RNF44: variants seen among roughly 807,000 people sequenced by gnomAD.
RNF44 encodes the protein ring finger protein 44.
In RNF44, 25 loss-of-function variants were observed where a neutral mutation model predicts 53.6. The ratio of observed to expected loss-of-function variants is 0.47; its 90% CI spans 0.34 to 0.65. The LOEUF (loss-of-function observed/expected upper bound fraction) is 0.65. Ranked by LOEUF, RNF44 falls within the 30% of genes least tolerant of loss-of-function variation. RNF44 has a pLI of 0.01. For missense variants in RNF44, 581 were observed against 595.5 expected, an observed-to-expected ratio of 0.98 and a Z score of 0.25; for synonymous variants, 282 against 252.2, an observed-to-expected ratio of 1.12 and a Z score of -1.12.
At chr5:176,537,591 G>C (rs1170308786), upstream of RNF44, 1 of 152,278 alleles carries the variant, frequency 6.6e-6, no homozygotes, top group African/African-American at 2.4e-5. Flanking sequence ...CATAAAGATG[G>C]GGAGACCCCA....
chr5:176,537,930 C>G (rs1198650954), upstream of RNF44: 1 of 152,178 alleles, frequency 6.6e-6, no homozygotes, highest in Non-Finnish European at 1.5e-5. Flanking sequence ...CCCCACTTCT[C>G]CTTGTTTATA....
Position 176,531,717 on chromosome 5 carries a change from G to C in RNF44, c.298-87C>G. Reference sequence around the variant, plus strand: ...AGGAGAAATCATCCTGCCACATCCAGCTGCCGGCTCCCTTCCCTTCTCCAC... The same window carrying C: ...AGGAGAAATCATCCTGCCACATCCACCTGCCGGCTCCCTTCCCTTCTCCAC... On this transcript the variant is annotated intron_variant, in intron 3 of 10. Transcript: ENST00000274811. The surrounding 1 kb of genome is among the most constrained non-coding windows in gnomAD (Gnocchi z 4.2). 1 of 1,365,046 alleles carries C rather than the reference G, an allele frequency of 7.3e-7. No individual in the cohort carries two copies. The highest frequency in any genetic ancestry group is 9.9e-7 in the Non-Finnish European group (1 of 1,005,780). The allele number at this position is 1,365,046 out of a possible 1,614,324, so 84.6% of individuals were successfully genotyped here.
intron 10 of RNF44, 73 bp downstream of exon 10, chr5:176,529,215 G>T (rs779878809): frequency 6.4e-7 from 1 of 1,559,676 alleles, no homozygotes; most frequent in African/African-American, 1.4e-5. Context: ...GACAAGGAGG[G>T]AAACAGCCCA....
At chr5:176,541,465 G>A (rs543472996), upstream of RNF44, among the ~76,000 whole-genome samples, 1 of 152,220 alleles carries the variant, frequency 6.6e-6, no homozygotes, top group African/African-American at 2.4e-5. Flanking sequence ...CCAGGGAAAG[G>A]GGAGAACACA....
At chr5:176,543,038 C>T in the RNF44 span, among the ~76,000 whole-genome samples, 1 of 152,002 alleles carries the variant, frequency 6.6e-6, no homozygotes, top group Non-Finnish European at 1.5e-5. The surrounding 1 kb of genome is among the most constrained non-coding windows in gnomAD (Gnocchi z 4.0). Context: ...TTCCCCGGGG[C>T]TCCCCGAGTT....
In RNF44 at chr5:176,530,921, G is replaced by A; in HGVS notation, c.566C>T (p.Ala189Val). Residue 189 changes from alanine to valine, a missense_variant, in exon 5 of 11, where the codon GCC becomes GTC. Physicochemically the swap from Ala to Val is moderately conservative, Grantham distance 64. Transcript: ENST00000274811. ...CATGTGGGTGGGCTGGGGGGGTGGG[G>A]CCGGTGGTGGGGGGTGCAGGATGTA... ...DHYILHPPPP[A>V]PPPQPTHMAP... The A allele has an allele frequency of 1.3e-6, 1 of 778,460 alleles. No individual in the cohort carries two copies. The highest frequency in any genetic ancestry group is 2.0e-5 in the South Asian group (1 of 49,410). 48.2% of individuals were successfully genotyped at this position (778,460 alleles called of 1,614,324 possible).
chr5:176,529,446 G>A, intron 9 of RNF44, 59 bp from the exon 10 acceptor site: 2 of 1,606,096 alleles, frequency 1.2e-6, no homozygotes, highest in African/African-American at 2.7e-5. Context: ...GCTCAGTGGA[G>A]TGTGACTCCC....
In RNF44 at chr5:176,529,015, C is replaced by T. The variant is rs372022977; in HGVS notation, c.*13G>A. On this transcript the variant is annotated 3_prime_UTR_variant, in exon 11 of 11. Transcript: ENST00000274811. ...TTCAGGCAGGGTTCTCCCGGGCAGG[C>T]GGCTGCGTGGCCTCACTCAGCCTCC... 3.7e-5 allele frequency: 59 copies of T among 1,608,758 alleles called. No individual in the cohort carries two copies. The highest frequency in any genetic ancestry group is 6.7e-5 in the Admixed American group (4 of 59,706).
chr5:176,530,719 C>A lies in RNF44; in HGVS notation c.664G>T (p.Val222Leu), dbSNP rs779646033. 14 of 1,546,906 alleles carry A rather than the reference C, an allele frequency of 9.1e-6. No homozygotes were observed. Among genetic ancestry groups the A allele is most frequent in the African/African-American group, 1.4e-5 (1 of 71,570 alleles). The change falls in exon 6 of 11, where the codon GTG (valine) becomes TTG (leucine). Residue 222 changes from valine to leucine, a missense_variant. Coordinates refer to ENST00000274811, the MANE Select transcript of RNF44 (RefSeq NM_014901.5). Reference protein sequence around the residue: ...RMPLQRLDNDVDLRGDQPSLG... With the variant: ...RMPLQRLDNDLDLRGDQPSLG... ...GAGGGCTGGTCCCCACGCAGGTCCA[C>A]GTCGTTGTCGAGCCGCTGGAGGGGC...
chr5:176,532,370 C>A lies in RNF44; in HGVS notation c.103G>T (p.Gly35Ter). ...GPGSTPGQLW[G>*]SPGLEGPLAS... Reference sequence around the variant, plus strand: ...GACTGGGAGGCTCCTTCCTACCTTCCCCAGAGCTGGCCCGGGGTGCTGCCA... The same window carrying A: ...GACTGGGAGGCTCCTTCCTACCTTCACCAGAGCTGGCCCGGGGTGCTGCCA... Residue 35 changes from glycine (G) to a stop codon, truncating the protein, a stop_gained, in exon 2 of 11, where the codon GGA becomes TGA. Coordinates refer to ENST00000274811, the MANE Select transcript of RNF44 (RefSeq NM_014901.5). LOFTEE classifies it high-confidence loss of function. 6.2e-7 allele frequency: 1 copy of A among 1,607,504 alleles called. No individual in the cohort carries two copies. Among genetic ancestry groups the A allele is most frequent in the East Asian group, 2.2e-5 (1 of 44,598 alleles).
Position 176,531,471 on chromosome 5 carries a change from G to C in RNF44, c.457C>G (p.Pro153Ala). 6.4e-7 allele frequency: 1 copy of C among 1,561,102 alleles called. No individual in the cohort carries two copies. Among genetic ancestry groups the C allele is most frequent in the East Asian group, 2.4e-5 (1 of 41,512 alleles). Residue 153 changes from proline to alanine, a missense_variant, in exon 4 of 11, where the codon CCG (proline) becomes GCG (alanine). Transcript: ENST00000274811. The surrounding 1 kb of genome is among the most constrained non-coding windows in gnomAD (Gnocchi z 4.2). ...TAGAAACACTCACTCACCGGGGGCGGGAGGCAGCAGAGGGGGTAATGCTGC... is the reference window on the plus strand; with the variant it reads ...TAGAAACACTCACTCACCGGGGGCGCGAGGCAGCAGAGGGGGTAATGCTGC... ...SGQHYPLCCL[P>A]PPLIQACTMQ... is the part of the protein sequence containing the mutation.
chr5:176,528,818 G>A lies in RNF44; in HGVS notation c.*210C>T, dbSNP rs760510643. 5 of 596,670 alleles carry A rather than the reference G, an allele frequency of 8.4e-6. No homozygotes were observed. Among genetic ancestry groups the A allele is most frequent in the Middle Eastern group, 4.4e-4 (1 of 2,248 alleles). The allele number at this position is 596,670 out of a possible 1,614,324, so 37.0% of individuals were successfully genotyped here. A position where few individuals can be genotyped will look rare whatever the true frequency, so the allele number is the denominator to read the frequency against. On this transcript the variant is annotated 3_prime_UTR_variant, in exon 11 of 11. Transcript: ENST00000274811. ...CAGCTCCGTGGCGGGCGGGCAGGCA[G>A]GCAGACTAGGGAGGGAGTCTTTGGA...
chr5:176,534,374 C>T (rs1756975233), intron 1 of RNF44, among the ~76,000 whole-genome samples: 1 of 152,262 alleles, frequency 6.6e-6, no homozygotes, highest in Admixed American at 6.5e-5. Context: ...CCTCTGCCTG[C>T]CCATCATCGG....
rs116602606 is a variant in RNF44 at position 176,529,224 on chromosome 5, C to G, written c.1236+64G>C. ...GACAAGGACAAGGAGGGAAACAGCC[C>G]AGGCCAGCCCATCCCCCCGTCACTG... On this transcript the variant is annotated intron_variant, in intron 10 of 10. Coordinates refer to ENST00000274811, the MANE Select transcript of RNF44 (RefSeq NM_014901.5). The G allele has an allele frequency of 2.6e-4, 400 of 1,561,528 alleles. 1 individual carries two copies. In the African/African-American group the frequency reaches 4.3e-3, roughly 17 times the overall value.
chr5:176,532,797 C>T (rs1282628089), intron 1 of RNF44, among the ~76,000 whole-genome samples: 3 of 147,158 alleles, frequency 2.0e-5, no homozygotes, highest in African/African-American at 5.0e-5. Flanking sequence ...GAAGTCCAGG[C>T]GCTTGTGCCA....
chr5:176,527,279 T>A lies in RNF44; in HGVS notation c.*1749A>T, dbSNP rs533305653. 2.6e-5 allele frequency: 4 copies of A among 152,466 alleles called. No individual in the cohort carries two copies. The South Asian group carries it at 8.3e-4, about 32-fold the overall frequency. The allele number at this position is 152,466 out of a possible 1,614,324, so 9.4% of individuals were successfully genotyped here. A position where few individuals can be genotyped will look rare whatever the true frequency, so the allele number is the denominator to read the frequency against. On this transcript the variant is annotated 3_prime_UTR_variant, in exon 11 of 11. Coordinates refer to ENST00000274811, the MANE Select transcript of RNF44 (RefSeq NM_014901.5). ...AGATCACAAACATCCTAAGTAATTGTTGTATAAATCTTGTTTTTTAATGAT... is the reference window on the plus strand; with the variant it reads ...AGATCACAAACATCCTAAGTAATTGATGTATAAATCTTGTTTTTTAATGAT...
upstream of RNF44, among the ~76,000 whole-genome samples, chr5:176,541,375 CTCACAT>C (rs1757443582): frequency 6.6e-6 from 1 of 152,196 alleles, no homozygotes; most frequent in Non-Finnish European, 1.5e-5. Context: ...CCATTCTCAT[CTCACAT>C]TAAGTGTGGT....
upstream of RNF44, among the ~76,000 whole-genome samples, chr5:176,541,752 TTC>T (rs1757452627): frequency 6.6e-6 from 1 of 152,072 alleles, no homozygotes; most frequent in South Asian, 2.1e-4. Flanking sequence ...AGTACCCCAT[TTC>T]TTTCTTCCAA....
At chr5:176,530,008 T>C (rs993494166) in intron 7 of RNF44, 74 bp downstream of exon 7, 23 of 1,476,908 alleles carry the variant, frequency 1.6e-5, no homozygotes, top group Non-Finnish European at 1.9e-5. Flanking sequence ...CCTGGAGCTG[T>C]GTTTAGGTCT....
Sources: allele counts gnomAD v4.1 joint callset (sites outside exome capture counted in the v4.1 genomes callset), GRCh38; gene constraint gnomAD v4.1.1; non-coding constraint Gnocchi (gnomAD v3.1); transcripts MANE v1.5; gene names NCBI Gene and HGNC (gene_info 2026-07-23, HGNC 2026-07-21).